The following MSI2 variants were observed in gnomAD, a reference collection of about 807,000 sequenced individuals.
MSI2 encodes musashi RNA binding protein 2, also known as RNA-binding protein Musashi homolog 2.
Under a neutral mutation model 45.6 loss-of-function variants are expected in MSI2, and 17 were observed. That is an observed-to-expected ratio of 0.37 (90% CI 0.26 to 0.56). The LOEUF is 0.56. Among genes scored for constraint, MSI2 ranks in the 20% least tolerant of loss-of-function variants. The pLI, the probability that MSI2 is intolerant of heterozygous loss-of-function variation, is 0.77. For synonymous variants in MSI2, 156 were observed against 158.2 expected (o/e 0.99, Z 0.11); for missense variants, 293 against 444.2 (o/e 0.66, Z 3.06).
At chr17:57,354,057 G>A (rs1005896460) in intron 5 of MSI2, among the ~76,000 whole-genome samples, 1 of 152,132 alleles carries the variant, frequency 6.6e-6, no homozygotes, top group Non-Finnish European at 1.5e-5. Flanking sequence ...ATACACATTT[G>A]CTAATGAGAA....
intron 5 of MSI2, among the ~76,000 whole-genome samples, chr17:57,303,542 T>C (rs1052487019): frequency 1.3e-5 from 2 of 152,210 alleles, no homozygotes; most frequent in East Asian, 1.9e-4. Flanking sequence ...GGAAAAATAA[T>C]AGTTGATTTC....
chr17:57,563,098 CAAA>C (rs59975200), intron 7 of MSI2, among the ~76,000 whole-genome samples: 8 of 71,270 alleles, frequency 1.1e-4, no homozygotes, highest in South Asian at 5.6e-4. Flanking sequence ...ACTTCGTCTC[CAAA>C]AAAAAAAAAA....
chr17:57,536,851 T>C (rs1046706064), intron 7 of MSI2, among the ~76,000 whole-genome samples: 1 of 152,154 alleles, frequency 6.6e-6, no homozygotes, highest in Non-Finnish European at 1.5e-5. Context: ...TTCAGGGTCC[T>C]AGATGGGGTT....
At chr17:57,576,082 A>G (rs2088039074) in intron 7 of MSI2, among the ~76,000 whole-genome samples, 1 of 152,156 alleles carries the variant, frequency 6.6e-6, no homozygotes, top group Non-Finnish European at 1.5e-5. Context: ...AGTTTTTAGG[A>G]ATCATTTGTA....
intron 5 of MSI2, among the ~76,000 whole-genome samples, chr17:57,400,542 G>A (rs76179310): frequency 0.033 from 5,077 of 152,156 alleles, 271 homozygotes; most frequent in African/African-American, 0.12. Flanking sequence ...TTATTGTCTG[G>A]AGGAGGAAGT....
At chr17:57,345,037 T>C (rs1915489577) in intron 5 of MSI2, among the ~76,000 whole-genome samples, 1 of 151,816 alleles carries the variant, frequency 6.6e-6, no homozygotes, top group Non-Finnish European at 1.5e-5. Flanking sequence ...TACTCCAGCC[T>C]GGGCGACAGG....
chr17:57,636,092 G>A (rs1038451739), intron 10 of MSI2, among the ~76,000 whole-genome samples: 5 of 152,128 alleles, frequency 3.3e-5, no homozygotes, highest in African/African-American at 9.7e-5. Context: ...TTGTCTGTAG[G>A]GCTGCTTGCA....
chr17:57,502,853 A>G (rs890586853), intron 6 of MSI2, among the ~76,000 whole-genome samples: 13 of 151,904 alleles, frequency 8.6e-5, no homozygotes, highest in African/African-American at 2.9e-4. Context: ...ATGGCCCCCA[A>G]GTGGTCTTGG....
intron 7 of MSI2, among the ~76,000 whole-genome samples, chr17:57,535,458 T>G (rs1374885926): frequency 6.6e-6 from 1 of 152,232 alleles, no homozygotes; most frequent in Non-Finnish European, 1.5e-5. Flanking sequence ...CCAGCAGGCC[T>G]GCTTGCCCTG....
At chr17:57,350,576 C>G (rs1915951675) in intron 5 of MSI2, among the ~76,000 whole-genome samples, 1 of 152,106 alleles carries the variant, frequency 6.6e-6, no homozygotes, top group Admixed American at 6.5e-5. Context: ...CCTCTCACAC[C>G]CCACCACACT....
At chr17:57,358,221 GT>G (rs1916581989) in intron 5 of MSI2, among the ~76,000 whole-genome samples, 2 of 152,074 alleles carry the variant, frequency 1.3e-5, no homozygotes, top group African/African-American at 4.8e-5. Context: ...GTGTGTGTGT[GT>G]GTGTGTTTAT....
At chr17:57,387,597 A>C (rs549657684) in intron 5 of MSI2, among the ~76,000 whole-genome samples, 1 of 152,318 alleles carries the variant, frequency 6.6e-6, no homozygotes, top group Non-Finnish European at 1.5e-5. Context: ...TTTTTGCTAG[A>C]GCATCTCTAA....
intron 6 of MSI2, among the ~76,000 whole-genome samples, chr17:57,455,731 TG>T (rs2085101399): frequency 6.6e-6 from 1 of 152,154 alleles, no homozygotes. Flanking sequence ...TTTGAATTGT[TG>T]GCCTCCTGTC....
chr17:57,392,615 G>A (rs886456900), intron 5 of MSI2, among the ~76,000 whole-genome samples: 1 of 152,170 alleles, frequency 6.6e-6, no homozygotes, highest in Non-Finnish European at 1.5e-5. Flanking sequence ...CAGGGAGGGA[G>A]AACTTGGAGG....
intron 5 of MSI2, among the ~76,000 whole-genome samples, chr17:57,294,335 C>T (rs1598083818): frequency 6.6e-6 from 1 of 152,168 alleles, no homozygotes; most frequent in East Asian, 1.9e-4. Flanking sequence ...TAAGTGCCGG[C>T]AGGTGCAGGG....
At chr17:57,345,878 C>T (rs1235910822) in intron 5 of MSI2, among the ~76,000 whole-genome samples, 1 of 151,292 alleles carries the variant, frequency 6.6e-6, no homozygotes, top group East Asian at 1.9e-4. Context: ...CTAGTTTTTC[C>T]TTACTGTCCT....
At chr17:57,327,580 A>C (rs1001578484) in intron 5 of MSI2, among the ~76,000 whole-genome samples, 3 of 152,222 alleles carry the variant, frequency 2.0e-5, no homozygotes, top group Admixed American at 6.5e-5. Context: ...TTGTGGCATC[A>C]AGGGATAATG....
intron 5 of MSI2, among the ~76,000 whole-genome samples, chr17:57,390,720 C>T (rs913982484): frequency 2.6e-4 from 40 of 152,174 alleles, no homozygotes; most frequent in Non-Finnish European, 5.6e-4. Context: ...GAAGAGCAGG[C>T]CAGATTGTTG....
chr17:57,661,744 C>T (rs138639632), intron 11 of MSI2, among the ~76,000 whole-genome samples: 1 of 152,284 alleles, frequency 6.6e-6, no homozygotes, highest in Non-Finnish European at 1.5e-5. Context: ...TATTGTTTCC[C>T]ATTCCTTTGC....
Sources: gnomAD v4.1 joint callset for allele counts (sites outside exome capture counted in the v4.1 genomes callset) on GRCh38, gnomAD v4.1.1 for gene constraint, MANE v1.5 for transcripts, NCBI Gene and HGNC (gene_info 2026-07-23, HGNC 2026-07-21) for gene names.